Variants in GHR observed in about 807,000 individuals in gnomAD.
The protein encoded by GHR is growth hormone receptor, also known as GH receptor.
In GHR, 35 loss-of-function variants were observed where a neutral mutation model predicts 67.1. The observed-to-expected ratio is 0.52, with a 90% confidence interval of 0.40 to 0.69. The LOEUF is 0.69. Among genes scored for constraint, GHR ranks in the 30% least tolerant of loss-of-function variants. The pLI is 0.00. For synonymous variants in GHR, 272 were observed against 269.1 expected (o/e 1.01, Z -0.10); for missense variants, 792 against 764.6 (o/e 1.04, Z -0.42).
At chr5:42,491,244 G>A (rs1035608167) in intron 1 of GHR, among the ~76,000 whole-genome samples, 6 of 152,330 alleles carry the variant, frequency 3.9e-5, no homozygotes, top group Admixed American at 6.5e-5. Context: ...TTCCTCTGTA[G>A]AGGTATACTC....
intron 2 of GHR, among the ~76,000 whole-genome samples, chr5:42,607,799 A>G (rs1291681811): frequency 1.3e-5 from 2 of 152,226 alleles, no homozygotes; most frequent in Admixed American, 6.5e-5. Flanking sequence ...TATTAACACG[A>G]GAATAGCAGA....
intron 1 of GHR, among the ~76,000 whole-genome samples, chr5:42,533,314 T>C (rs1039901124): frequency 6.6e-6 from 1 of 151,978 alleles, no homozygotes; most frequent in Admixed American, 6.6e-5. Flanking sequence ...GTGATCCTAA[T>C]ATGTGTCATA....
At chr5:42,452,251 G>A (rs1744082195) in intron 1 of GHR, among the ~76,000 whole-genome samples, 1 of 152,130 alleles carries the variant, frequency 6.6e-6, no homozygotes. Flanking sequence ...GATTGGCAAG[G>A]TTTCTCTTGA....
At chr5:42,558,431 T>C (rs1248588559) in intron 1 of GHR, among the ~76,000 whole-genome samples, 2 of 152,228 alleles carry the variant, frequency 1.3e-5, no homozygotes, top group African/African-American at 4.8e-5. Flanking sequence ...AAAATGTATA[T>C]ACGAATGCTA....
chr5:42,484,680 G>A (rs1020312290), intron 1 of GHR, among the ~76,000 whole-genome samples: 1 of 152,220 alleles, frequency 6.6e-6, no homozygotes, highest in African/African-American at 2.4e-5. Flanking sequence ...CAGGAAAAAG[G>A]TGCTTAGCGG....
chr5:42,637,673 G>A (rs1325099385), intron 3 of GHR, among the ~76,000 whole-genome samples: 1 of 152,038 alleles, frequency 6.6e-6, no homozygotes, highest in Non-Finnish European at 1.5e-5. Flanking sequence ...CATGGTATAC[G>A]TGTACCACAT....
intron 1 of GHR, among the ~76,000 whole-genome samples, chr5:42,527,626 T>C: frequency 6.6e-6 from 1 of 152,040 alleles, no homozygotes; most frequent in East Asian, 1.9e-4. Flanking sequence ...ACTTCAACAC[T>C]CCACTGACAG....
chr5:42,650,578 C>CAT (rs35408817), intron 3 of GHR, among the ~76,000 whole-genome samples: 36,300 of 128,864 alleles, frequency 0.28, 5,349 homozygotes, highest in African/African-American at 0.3. Context: ...TTACAGATAA[C>CAT]ATATATATAT....
At chr5:42,622,349 G>A (rs896144800) in intron 2 of GHR, among the ~76,000 whole-genome samples, 1 of 152,260 alleles carries the variant, frequency 6.6e-6, no homozygotes, top group South Asian at 2.1e-4. Context: ...GCACATAGTG[G>A]GGAAACCCTA....
intron 1 of GHR, among the ~76,000 whole-genome samples, chr5:42,557,254 T>G (rs1749359728): frequency 6.6e-6 from 1 of 152,172 alleles, no homozygotes; most frequent in African/African-American, 2.4e-5. Flanking sequence ...ATTATGATGG[T>G]CCTTCCCTTT....
At chr5:42,693,978 C>G (rs922920143) in intron 4 of GHR, among the ~76,000 whole-genome samples, 7 of 152,184 alleles carry the variant, frequency 4.6e-5, no homozygotes, top group African/African-American at 1.7e-4. Context: ...TCCATTACCA[C>G]ACTCATGCCC....
At chr5:42,553,133 C>T (rs912415700) in intron 1 of GHR, among the ~76,000 whole-genome samples, 1 of 152,118 alleles carries the variant, frequency 6.6e-6, no homozygotes, top group Admixed American at 6.5e-5. Flanking sequence ...AACATATTAC[C>T]ACAAACTTAG....
At chr5:42,703,286 T>G (rs1758019565) in intron 6 of GHR, among the ~76,000 whole-genome samples, 1 of 152,080 alleles carries the variant, frequency 6.6e-6, no homozygotes, top group Non-Finnish European at 1.5e-5. Flanking sequence ...GATGTCCAAT[T>G]TTCCCAACAA....
chr5:42,613,304 G>T (rs1752976992), intron 2 of GHR, among the ~76,000 whole-genome samples: 1 of 152,056 alleles, frequency 6.6e-6, no homozygotes, highest in South Asian at 2.1e-4. Context: ...TATCCTTGCT[G>T]CTGTTGTTTC....
chr5:42,683,311 G>A (rs138257112), intron 3 of GHR, among the ~76,000 whole-genome samples: 9 of 152,196 alleles, frequency 5.9e-5, no homozygotes, highest in Non-Finnish European at 1.0e-4. Context: ...GTTCCTCAAG[G>A]GTTTTTATAC....
intron 3 of GHR, among the ~76,000 whole-genome samples, chr5:42,636,072 T>A (rs1409383942): frequency 6.6e-6 from 1 of 151,362 alleles, no homozygotes; most frequent in East Asian, 1.9e-4. Context: ...TAGCCGGGCG[T>A]GGTGGCGGGC....
Position 42,718,981 on chromosome 5 carries a change from G to A in GHR, c.1474G>A (p.Asp492Asn), listed in dbSNP as rs556822630. 7 of 1,611,832 alleles carry A rather than the reference G, an allele frequency of 4.3e-6. No individual in the cohort carries two copies. In the East Asian group the frequency reaches 6.7e-5, roughly 15 times the overall value. The change falls in exon 10 of 10, where the codon GAC (aspartate) becomes AAC (asparagine). Residue 492 changes from aspartate to asparagine, a missense_variant. Asp to Asn is a conservative substitution (Grantham distance 23, BLOSUM62 1). Transcript: ENST00000230882. Reference sequence around the variant, plus strand: ...CATCGACTTTTATGCCCAGGTGAGCGACATTACACCAGCAGGTAGTGTGGT... The same window carrying A: ...CATCGACTTTTATGCCCAGGTGAGCAACATTACACCAGCAGGTAGTGTGGT... ...SNIDFYAQVS[D>N]ITPAGSVVLS...
intron 1 of GHR, among the ~76,000 whole-genome samples, chr5:42,445,089 T>C (rs1278879286): frequency 6.6e-6 from 1 of 152,214 alleles, no homozygotes; most frequent in African/African-American, 2.4e-5. Context: ...CAAAGCCTCA[T>C]TGTCATTTTT....
At chr5:42,465,462 C>A in intron 1 of GHR, 1 of 1,583,882 alleles carries the variant, frequency 6.3e-7, no homozygotes, top group Non-Finnish European at 8.7e-7. Flanking sequence ...TCTTTTGGAC[C>A]CTCCTCTTTT....
Sources: allele counts gnomAD v4.1 joint callset (sites outside exome capture counted in the v4.1 genomes callset), GRCh38; gene constraint gnomAD v4.1.1; transcripts MANE v1.5; gene names NCBI Gene and HGNC (gene_info 2026-07-23, HGNC 2026-07-21).